Variants in NFASC observed in about 807,000 individuals in gnomAD.
NFASC encodes neurofascin homolog.
NFASC carries 43 observed loss-of-function variants against 147.5 expected under a neutral mutation model. The ratio of observed to expected loss-of-function variants is 0.29; its 90% confidence interval spans 0.23 to 0.38. NFASC has a LOEUF of 0.38. Ranked by LOEUF, NFASC falls within the 10% of genes least tolerant of loss-of-function variation. The pLI is 1.00. For synonymous variants in NFASC, 622 were observed against 665.5 expected (o/e 0.93, Z 1.01); for missense variants, 1,320 against 1,689.0 (o/e 0.78, Z 3.83).
At chr1:204,955,982 T>A (rs779456837) in intron 7 of NFASC, among the ~76,000 whole-genome samples, 38 of 152,224 alleles carry the variant, frequency 2.5e-4, no homozygotes, top group Non-Finnish European at 4.3e-4. Context: ...AGTGCACATT[T>A]ATGGGGAAGG....
At chr1:204,891,163 G>C (rs556440601) in intron 1 of NFASC, among the ~76,000 whole-genome samples, 7 of 152,148 alleles carry the variant, frequency 4.6e-5, no homozygotes, top group African/African-American at 1.7e-4. Context: ...GCAGAACCTC[G>C]GGCAAGGCTT....
At chr1:204,845,598 G>C (rs1446507292) in intron 1 of NFASC, among the ~76,000 whole-genome samples, 1 of 152,078 alleles carries the variant, frequency 6.6e-6, no homozygotes, top group Non-Finnish European at 1.5e-5. Context: ...ATTTGGGGTG[G>C]AACCTTGAAA....
intron 1 of NFASC, among the ~76,000 whole-genome samples, chr1:204,916,327 T>A (rs2149385951): frequency 6.6e-6 from 1 of 152,344 alleles, no homozygotes; most frequent in East Asian, 1.9e-4. Context: ...TAAGTTTCAC[T>A]TTTAACTAAC....
chr1:204,980,380 C>T lies in NFASC; in HGVS notation c.2187C>T (p.Ser729=), dbSNP rs1033101322. 1 of 1,613,680 alleles carries T rather than the reference C, an allele frequency of 6.2e-7. No individual in the cohort carries two copies. The highest frequency in any genetic ancestry group is 8.5e-7 in the Non-Finnish European group (1 of 1,179,784). ...CTGTTTGGGTTCCAGCCCCCGAGTC[C>T]AATCCTGGTGACGTGAAGGGAGAGG... ...RYRTSGAPPE[S]NPGDVKGEGT... is the part of the protein sequence containing the mutation. The change falls in exon 20 of 30, where the codon TCC becomes TCT. Residue 729 remains serine, a synonymous_variant. Coordinates refer to ENST00000339876, the MANE Select transcript of NFASC (RefSeq NM_001005388.3).
Position 204,968,474 on chromosome 1 carries a change from G to A in NFASC, c.818+114G>A. On this transcript the variant is annotated intron_variant, in intron 9 of 29. Transcript: ENST00000339876. This position sits in a 1 kb window ranked among gnomAD's most constrained non-coding sequence, Gnocchi z 5.4. ...GTGCATACCAGTAGCACAGCAAAAAGAGAAGCAAACAGCCTCTAGTGAGCA... is the reference window on the plus strand; with the variant it reads ...GTGCATACCAGTAGCACAGCAAAAAAAGAAGCAAACAGCCTCTAGTGAGCA... The A allele has an allele frequency of 1.3e-6, 1 of 765,712 alleles. No homozygotes were observed. The highest frequency in any genetic ancestry group is 2.6e-5 in the East Asian group (1 of 37,762). The allele number at this position is 765,712 out of a possible 1,614,324, so 47.4% of individuals were successfully genotyped here. A position where few individuals can be genotyped will look rare whatever the true frequency, so the allele number is the denominator to read the frequency against.
chr1:204,995,119 C>T (rs1001783920), intron 24 of NFASC, among the ~76,000 whole-genome samples: 1 of 152,050 alleles, frequency 6.6e-6, no homozygotes, highest in African/African-American at 2.4e-5. Context: ...GATCCCGTCT[C>T]AATTAAAATA....
At chr1:204,864,878 C>T (rs879658316) in intron 1 of NFASC, among the ~76,000 whole-genome samples, 13 of 152,280 alleles carry the variant, frequency 8.5e-5, no homozygotes, top group East Asian at 7.7e-4. Flanking sequence ...TGTTTTCTCC[C>T]GTTCTGTAGG....
At chr1:204,859,088 C>G (rs774545969) in intron 1 of NFASC, among the ~76,000 whole-genome samples, 14 of 152,002 alleles carry the variant, frequency 9.2e-5, no homozygotes, top group Non-Finnish European at 1.9e-4. Context: ...AGCGATTCTC[C>G]TACCTCAGTC....
Position 205,016,799 on chromosome 1 carries a change from T to G in NFASC, c.*260T>G. 1 of 545,668 alleles carries G rather than the reference T, an allele frequency of 1.8e-6. No homozygotes were observed. The highest frequency in any genetic ancestry group is 3.4e-6 in the Non-Finnish European group (1 of 295,836). The allele number at this position is 545,668 out of a possible 1,614,324, so 33.8% of individuals were successfully genotyped here. Reference sequence around the variant, plus strand: ...GCTCAGCTGGAGGGAGCCTGGCCCCTTGCCCGGTCTCGCAGCCACCCCGAG... The same window carrying G: ...GCTCAGCTGGAGGGAGCCTGGCCCCGTGCCCGGTCTCGCAGCCACCCCGAG... On this transcript the variant is annotated 3_prime_UTR_variant, in exon 30 of 30. Transcript: ENST00000339876. The surrounding 1 kb of genome is among the most constrained non-coding windows in gnomAD (Gnocchi z 5.1).
At chr1:205,004,807 G>A (rs1238791397) in intron 27 of NFASC, among the ~76,000 whole-genome samples, 4 of 152,182 alleles carry the variant, frequency 2.6e-5, no homozygotes, top group African/African-American at 9.7e-5. Flanking sequence ...CGCTATAGCA[G>A]TTCAGGAAGG....
At chr1:204,869,680 G>A (rs571412045) in intron 1 of NFASC, among the ~76,000 whole-genome samples, 2 of 152,208 alleles carry the variant, frequency 1.3e-5, no homozygotes, top group East Asian at 1.9e-4. Context: ...CCCGAGGCTC[G>A]CCTGCACTAA....
intron 1 of NFASC, among the ~76,000 whole-genome samples, chr1:204,872,544 G>A (rs1475989862): frequency 2.0e-5 from 3 of 152,158 alleles, no homozygotes; most frequent in Admixed American, 6.5e-5. Context: ...GCAGTCAGCC[G>A]GCTGGGCACC....
chr1:204,871,540 T>G (rs1173486240), intron 1 of NFASC, among the ~76,000 whole-genome samples: 1 of 152,236 alleles, frequency 6.6e-6, no homozygotes, highest in African/African-American at 2.4e-5. Context: ...AGTCTTCTCC[T>G]GTTCCCTCGT....
chr1:204,928,620 G>A (rs191625506), intron 2 of NFASC, among the ~76,000 whole-genome samples: 244 of 152,268 alleles, frequency 1.6e-3, no homozygotes, highest in South Asian at 0.011. Context: ...TAATAGGGGG[G>A]AAAATAAAGA....
chr1:204,883,494 G>C (rs1435542768), intron 1 of NFASC, among the ~76,000 whole-genome samples: 1 of 152,220 alleles, frequency 6.6e-6, no homozygotes, highest in Admixed American at 6.5e-5. Context: ...CTGGGGTGTG[G>C]AGTATATGTG....
chr1:205,011,710 GTGACA>G (rs569604506), intron 28 of NFASC, among the ~76,000 whole-genome samples: 3 of 152,192 alleles, frequency 2.0e-5, no homozygotes, highest in Non-Finnish European at 4.4e-5. Context: ...AATTAGTTAC[GTGACA>G]TGCTCTTCAA....
chr1:204,930,942 T>G (rs999632721), intron 2 of NFASC, among the ~76,000 whole-genome samples: 1 of 152,164 alleles, frequency 6.6e-6, no homozygotes, highest in Non-Finnish European at 1.5e-5. Flanking sequence ...GCTTGAGGGC[T>G]GCTCTGAGAA....
intron 1 of NFASC, among the ~76,000 whole-genome samples, chr1:204,891,558 G>C (rs1246866257): frequency 6.6e-6 from 1 of 152,188 alleles, no homozygotes; most frequent in Non-Finnish European, 1.5e-5. Context: ...GTGCCTGTAT[G>C]AAGTGGGTAG....
At chr1:204,977,817 C>T (rs1006964575) in intron 17 of NFASC, 92 bp downstream of exon 17, 9 of 1,217,948 alleles carry the variant, frequency 7.4e-6, no homozygotes, top group East Asian at 4.9e-5. Flanking sequence ...TGGGAAAGGG[C>T]GACAGTGTGT....
Sources: allele counts gnomAD v4.1 joint callset (sites outside exome capture counted in the v4.1 genomes callset), GRCh38; gene constraint gnomAD v4.1.1; non-coding constraint Gnocchi (gnomAD v3.1); transcripts MANE v1.5; gene names NCBI Gene and HGNC (gene_info 2026-07-23, HGNC 2026-07-21).